NTM: variants seen among roughly 807,000 people sequenced by gnomAD.
The protein encoded by NTM is neurotrimin.
In NTM, 13 loss-of-function variants were observed where a neutral mutation model predicts 42.1. That is an observed-to-expected ratio of 0.31 (90% confidence interval 0.20 to 0.49). The LOEUF is 0.49. NTM is among the 20% of genes least tolerant of loss of function. NTM has a pLI of 0.99. For missense variants in NTM, 373 were observed against 452.8 expected (o/e 0.82, Z 1.60); for synonymous variants, 187 against 179.2 (o/e 1.04, Z -0.35).
At chr11:132,311,425 T>C (rs2095277501) in intron 6 of NTM, among the ~76,000 whole-genome samples, 1 of 152,158 alleles carries the variant, frequency 6.6e-6, no homozygotes, top group Non-Finnish European at 1.5e-5. Flanking sequence ...ATTTTACAGA[T>C]GAAAGAACTA....
At chr11:131,532,917 T>G (rs1279332121) in intron 1 of NTM, among the ~76,000 whole-genome samples, 2 of 152,086 alleles carry the variant, frequency 1.3e-5, no homozygotes, top group Non-Finnish European at 2.9e-5. Context: ...TTAAGTTGAG[T>G]TTTTCATTGT....
At position 132,305,060 on chromosome 11, in the gene NTM, T is replaced by C. The variant is rs184366627; in HGVS notation, c.527-2629T>C. Among the ~76,000 whole-genome samples, 90 of 152,326 alleles carry C rather than the reference T, an allele frequency of 5.9e-4. 1 individual carries two copies. Among genetic ancestry groups the C allele is most frequent in the East Asian group, 1.7e-3 (9 of 5,190 alleles). The stretch of plus-strand genomic sequence containing the variant: ...TACACATAAATTAATGTGGCACCCA[T>C]GTCCCCACAGAAAACTGATGAGTTC... On this transcript the variant is annotated intron_variant, in intron 4 of 8. Transcript: ENST00000683400.
intron 2 of NTM, among the ~76,000 whole-genome samples, chr11:132,024,596 A>T (rs1251563739): frequency 1.3e-5 from 2 of 152,158 alleles, no homozygotes; most frequent in East Asian, 3.9e-4. Context: ...CCCGTGGATA[A>T]GGAGGGCCAG....
intron 2 of NTM, among the ~76,000 whole-genome samples, chr11:131,939,699 T>C (rs942335721): frequency 6.6e-5 from 10 of 152,230 alleles, no homozygotes; most frequent in African/African-American, 2.2e-4. Context: ...AAGCTGCTCA[T>C]CTGGAACAAT....
At chr11:131,403,453 A>G (rs1565467072) in intron 1 of NTM, among the ~76,000 whole-genome samples, 2 of 151,796 alleles carry the variant, frequency 1.3e-5, no homozygotes, top group Non-Finnish European at 2.9e-5. Flanking sequence ...GCTTGACACC[A>G]CCTATCCACT....
At chr11:132,282,461 C>G (rs2094010880) in intron 4 of NTM, among the ~76,000 whole-genome samples, 1 of 152,116 alleles carries the variant, frequency 6.6e-6, no homozygotes, top group African/African-American at 2.4e-5. Context: ...TCATTAGGAG[C>G]TTTCAGATGA....
chr11:132,335,343 A>C lies in NTM; in HGVS notation c.*197A>C. On this transcript the variant is annotated 3_prime_UTR_variant, in exon 9 of 9. Transcript: ENST00000683400. Reference sequence around the variant, plus strand: ...AAAAAGTTTTAAAAAAGAAATTGAAAATTGCCTTGCAGATATTTAGGTACA... The same window carrying C: ...AAAAAGTTTTAAAAAAGAAATTGAACATTGCCTTGCAGATATTTAGGTACA... The C allele has an allele frequency of 1.6e-6, 1 of 613,380 alleles. No individual in the cohort carries two copies. Among genetic ancestry groups the C allele is most frequent in the Non-Finnish European group, 2.8e-6 (1 of 361,774 alleles). The allele number at this position is 613,380 out of a possible 1,614,324, so 38.0% of individuals were successfully genotyped here.
At chr11:131,598,767 T>TCTTTCTTTC (rs2060111393) in intron 1 of NTM, among the ~76,000 whole-genome samples, 1 of 28,116 alleles carries the variant, frequency 3.6e-5, no homozygotes, top group African/African-American at 1.7e-4. Flanking sequence ...TCTTTCTTTT[T>TCTTTCTTTC]TTCTTTCTTT....
At chr11:132,083,939 A>G (rs2059389225) in intron 2 of NTM, among the ~76,000 whole-genome samples, 2 of 152,168 alleles carry the variant, frequency 1.3e-5, no homozygotes, top group Non-Finnish European at 2.9e-5. Flanking sequence ...AGTTCAAAAT[A>G]AAAGTGCCCT....
At chr11:131,866,829 T>A (rs575246808) in intron 1 of NTM, among the ~76,000 whole-genome samples, 6 of 152,326 alleles carry the variant, frequency 3.9e-5, no homozygotes, top group African/African-American at 1.4e-4. Flanking sequence ...GTGATTTTTT[T>A]TGGCTTAAAA....
intron 1 of NTM, among the ~76,000 whole-genome samples, chr11:131,683,326 G>A (rs919988499): frequency 3.3e-5 from 5 of 152,234 alleles, no homozygotes; most frequent in Admixed American, 1.3e-4. Flanking sequence ...GAGCCCCTTC[G>A]GCAGGGCTGT....
chr11:131,928,072 A>G (rs2058156997), intron 2 of NTM, among the ~76,000 whole-genome samples: 2 of 152,024 alleles, frequency 1.3e-5, no homozygotes, highest in Non-Finnish European at 2.9e-5. Flanking sequence ...GGGCTAAATT[A>G]TATCTTAATA....
chr11:132,174,289 G>T (rs1280437588), intron 3 of NTM, among the ~76,000 whole-genome samples: 1 of 152,136 alleles, frequency 6.6e-6, no homozygotes, highest in Non-Finnish European at 1.5e-5. Flanking sequence ...ATAGACTTAT[G>T]AATGCCTTTT....
intron 6 of NTM, among the ~76,000 whole-genome samples, chr11:132,311,682 C>T (rs1449730119): frequency 6.6e-6 from 1 of 152,114 alleles, no homozygotes; most frequent in East Asian, 1.9e-4. Flanking sequence ...GGTCAGTTCC[C>T]AAATCTTCAA....
rs187758550 is a variant in NTM at position 131,982,467 on chromosome 11, G to C, written c.167+70819G>C. Among the ~76,000 whole-genome samples the C allele has an allele frequency of 6.4e-4, 98 of 152,192 alleles. 3 individuals carry two copies. The East Asian group carries it at 0.016, about 25-fold the overall frequency. On this transcript the variant is annotated intron_variant, in intron 2 of 8. Coordinates refer to ENST00000683400, the MANE Select transcript of NTM (RefSeq NM_001352005.2). Reference sequence around the variant, plus strand: ...GGATGAGGAAACAAGGAGGGTCATGGAACAGACACAGCTGCTCCTGAAAGT... The same window carrying C: ...GGATGAGGAAACAAGGAGGGTCATGCAACAGACACAGCTGCTCCTGAAAGT...
At chr11:132,016,096 TGAG>T (rs2073352405) in intron 2 of NTM, among the ~76,000 whole-genome samples, 1 of 150,798 alleles carries the variant, frequency 6.6e-6, no homozygotes, top group African/African-American at 2.4e-5. Flanking sequence ...TGCCTGTTGT[TGAG>T]AGTTTTTTTT....
intron 1 of NTM, among the ~76,000 whole-genome samples, chr11:131,761,736 C>G (rs1486781038): frequency 6.6e-6 from 1 of 151,892 alleles, no homozygotes; most frequent in Non-Finnish European, 1.5e-5. Context: ...TTGAACCTGG[C>G]AGGCGGAGGT....
intron 1 of NTM, among the ~76,000 whole-genome samples, chr11:131,413,821 G>A (rs928712815): frequency 6.6e-5 from 10 of 152,152 alleles, no homozygotes; most frequent in Non-Finnish European, 1.0e-4. Context: ...GAGATGAAAA[G>A]GCAGGAAAAA....
At chr11:131,735,041 C>T (rs1411352737) in intron 1 of NTM, among the ~76,000 whole-genome samples, 1 of 152,198 alleles carries the variant, frequency 6.6e-6, no homozygotes, top group Non-Finnish European at 1.5e-5. Context: ...TTCTTTCCAT[C>T]TGACTCAATG....
Sources: allele counts gnomAD v4.1 joint callset (sites outside exome capture counted in the v4.1 genomes callset), GRCh38; gene constraint gnomAD v4.1.1; transcripts MANE v1.5; gene names NCBI Gene and HGNC (gene_info 2026-07-23, HGNC 2026-07-21).